Variants in ADARB2 observed in about 807,000 individuals in gnomAD.
ADARB2 encodes adenosine deaminase RNA specific B2 (inactive).
Under a neutral mutation model 62.2 loss-of-function variants are expected in ADARB2, and 25 were observed. The observed-to-expected ratio is 0.40, with a 90% CI of 0.29 to 0.56. The LOEUF is 0.56. Among genes scored for constraint, ADARB2 ranks in the 20% least tolerant of loss-of-function variants. The probability of loss-of-function intolerance (pLI) is 0.43; values close to 1 mark genes in which losing one functional copy is unlikely to be tolerated. For missense variants in ADARB2, 1,071 were observed against 1,077.4 expected (o/e 0.99, Z 0.08); for synonymous variants, 572 against 500.8 (o/e 1.14, Z -1.90).
At chr10:1,266,624 A>G (rs1238054649) in intron 4 of ADARB2, among the ~76,000 whole-genome samples, 1 of 152,088 alleles carries the variant, frequency 6.6e-6, no homozygotes, top group African/African-American at 2.4e-5. Context: ...GCCGGCCACC[A>G]CCGCAGAAGA....
intron 3 of ADARB2, among the ~76,000 whole-genome samples, chr10:1,328,049 G>A (rs528955780): frequency 1.3e-5 from 1 of 74,714 alleles, no homozygotes; most frequent in Admixed American, 1.3e-4. Context: ...TGCACTGGAG[G>A]AAATGACATG....
Position 1,723,916 on chromosome 10 carries a change from G to A in ADARB2, c.100+13135C>T, listed in dbSNP as rs566005115. 3.4e-3 allele frequency among the ~76,000 whole-genome samples: 512 copies of A among 152,246 alleles called. 2 individuals are homozygous for A. The highest frequency in any genetic ancestry group is 6.8e-3 in the Middle Eastern group (2 of 294). On this transcript the variant is annotated intron_variant, in intron 1 of 9. Coordinates refer to ENST00000381312, the MANE Select transcript of ADARB2 (RefSeq NM_018702.4). ...GAAGGTGGGATTTATGAATTTTCTG[G>A]CCCTTATTGAGGTAGAGATAATGTT...
intron 1 of ADARB2, among the ~76,000 whole-genome samples, chr10:1,647,156 C>T (rs541556099): frequency 3.3e-5 from 5 of 152,378 alleles, no homozygotes; most frequent in African/African-American, 1.2e-4. Flanking sequence ...CAAGATAAGT[C>T]AGTACTCTGA....
rs544759823 is a variant in ADARB2, at chr10:1,566,487, C to A, written c.100+170564G>T. On this transcript the variant is annotated intron_variant, in intron 1 of 9. Transcript: ENST00000381312. ...TGCTTTCCCTCAATAGCTGTGCACA[C>A]GAGAAAGTAATTTGGAAATAATGGA... Among the ~76,000 whole-genome samples the A allele has an allele frequency of 2.8e-3, 419 of 152,246 alleles. 2 individuals carry two copies. Among genetic ancestry groups the A allele is most frequent in the Non-Finnish European group, 1.9e-3 (128 of 68,036 alleles).
chr10:1,248,841 C>G (rs1372188922), intron 4 of ADARB2, among the ~76,000 whole-genome samples: 1 of 152,180 alleles, frequency 6.6e-6, no homozygotes, highest in Non-Finnish European at 1.5e-5. Context: ...CAGCAGGGCT[C>G]CTGCACCCCC....
chr10:1,364,463 T>C (rs533922303), intron 2 of ADARB2, among the ~76,000 whole-genome samples: 3 of 152,350 alleles, frequency 2.0e-5, no homozygotes, highest in Non-Finnish European at 2.9e-5. Context: ...CACTGCGGCC[T>C]TGGGGTGAGT....
intron 1 of ADARB2, chr10:1,535,795 T>C (rs11250598): frequency 0.33 from 55,450 of 167,022 alleles, 9,929 homozygotes; most frequent in East Asian, 0.74. Flanking sequence ...TGGTGAGCAG[T>C]GCAGGCCCTG....
At chr10:1,453,019 G>C (rs983336696) in intron 1 of ADARB2, among the ~76,000 whole-genome samples, 2 of 152,164 alleles carry the variant, frequency 1.3e-5, no homozygotes, top group African/African-American at 4.8e-5. Context: ...GCACGTCCCA[G>C]GTGCCACTGC....
intron 1 of ADARB2, among the ~76,000 whole-genome samples, chr10:1,565,650 T>G (rs1832850310): frequency 1.3e-5 from 2 of 152,196 alleles, no homozygotes; most frequent in Non-Finnish European, 2.9e-5. Flanking sequence ...TAGAATAATT[T>G]ACCTTACTCT....
chr10:1,548,891 G>C (rs1832567318), intron 1 of ADARB2, among the ~76,000 whole-genome samples: 1 of 152,224 alleles, frequency 6.6e-6, no homozygotes, highest in African/African-American at 2.4e-5. Context: ...TGAGTGGCCA[G>C]AGTGTGAGGG....
chr10:1,653,787 G>A (rs1325266107), intron 1 of ADARB2, among the ~76,000 whole-genome samples: 1 of 152,212 alleles, frequency 6.6e-6, no homozygotes, highest in Non-Finnish European at 1.5e-5. Context: ...CAATAAATGA[G>A]TAATCAAATT....
intron 1 of ADARB2, among the ~76,000 whole-genome samples, chr10:1,602,825 A>G (rs1833436860): frequency 6.6e-6 from 1 of 151,804 alleles, no homozygotes; most frequent in East Asian, 1.9e-4. Flanking sequence ...CCACACACAT[A>G]TGCACATCTG....
intron 1 of ADARB2, among the ~76,000 whole-genome samples, chr10:1,731,930 G>A (rs1282877906): frequency 1.3e-5 from 2 of 152,192 alleles, no homozygotes; most frequent in Admixed American, 1.3e-4. Flanking sequence ...TGCTTACAAT[G>A]TGGAAAATTA....
intron 1 of ADARB2, among the ~76,000 whole-genome samples, chr10:1,462,690 T>C (rs1175978513): frequency 6.6e-6 from 1 of 152,016 alleles, no homozygotes; most frequent in Non-Finnish European, 1.5e-5. Context: ...TGTGTGCATG[T>C]GTGTGTGCCT....
chr10:1,737,092 C>T lies in ADARB2; in HGVS notation c.59G>A (p.Cys20Tyr). The change falls in exon 1 of 10, where the codon TGC becomes TAC. Residue 20 changes from cysteine to tyrosine, a missense_variant. Coordinates refer to ENST00000381312, the MANE Select transcript of ADARB2 (RefSeq NM_018702.4). ...CCGCCTCCTCCTCCTCTTGGACTTG[C>T]ATTTGAGTTGACTGCTCAGCCCTCC... is the stretch of plus-strand genomic sequence containing the variant. ...GSGGLSSQLKCKSKRRRRRRS... is the reference protein window; with the variant it reads ...GSGGLSSQLKYKSKRRRRRRS... The T allele has an allele frequency of 1.2e-6, 2 of 1,611,914 alleles. No homozygotes were observed.
chr10:1,736,821 C>A (rs1481724001), intron 1 of ADARB2, among the ~76,000 whole-genome samples: 1 of 152,194 alleles, frequency 6.6e-6, no homozygotes, highest in East Asian at 1.9e-4. Flanking sequence ...TCGTCCGGGT[C>A]CCTCAAACAT....
intron 1 of ADARB2, among the ~76,000 whole-genome samples, chr10:1,486,775 A>G (rs1007991634): frequency 1.3e-5 from 2 of 152,088 alleles, no homozygotes; most frequent in Non-Finnish European, 2.9e-5. Context: ...ACCACATGGG[A>G]AGGTATCCAG....
At chr10:1,630,295 C>G (rs901928320) in intron 1 of ADARB2, among the ~76,000 whole-genome samples, 1 of 152,146 alleles carries the variant, frequency 6.6e-6, no homozygotes, top group Non-Finnish European at 1.5e-5. Flanking sequence ...AGATGACACT[C>G]GTGCAGGTAA....
At chr10:1,308,089 TAA>T (rs1564253149) in intron 3 of ADARB2, among the ~76,000 whole-genome samples, 3 of 51,874 alleles carry the variant, frequency 5.8e-5, no homozygotes, top group African/African-American at 8.0e-5. Context: ...ATAAAAAAAA[TAA>T]ATTAAAAAAA....
Sources: gnomAD v4.1 joint callset for allele counts (sites outside exome capture counted in the v4.1 genomes callset) on GRCh38, gnomAD v4.1.1 for gene constraint, MANE v1.5 for transcripts, NCBI Gene and HGNC (gene_info 2026-07-23, HGNC 2026-07-21) for gene names.